The following EFCAB6 variants were observed in gnomAD, a reference collection of about 807,000 sequenced individuals.
EFCAB6 encodes EF-hand calcium binding domain 6.
Under a neutral mutation model 169.8 loss-of-function variants are expected in EFCAB6, and 156 were observed. The observed-to-expected ratio is 0.92, with a 90% CI of 0.81 to 1.05. The LOEUF (loss-of-function observed/expected upper bound fraction) is 1.05. Among genes scored for constraint, EFCAB6 ranks in the 50% least tolerant of loss-of-function variants. The pLI is 0.00. For synonymous variants in EFCAB6, 698 were observed against 676.4 expected (o/e 1.03, Z -0.50); for missense variants, 1,800 against 1,829.1 (o/e 0.98, Z 0.29).
intron 10 of EFCAB6, among the ~76,000 whole-genome samples, chr22:43,705,654 A>G (rs1440885657): frequency 6.6e-6 from 1 of 151,988 alleles, no homozygotes; most frequent in Non-Finnish European, 1.5e-5. Context: ...AACAAACAAT[A>G]AAGAAATTAA....
At chr22:43,712,482 A>T (rs2059195386) in intron 9 of EFCAB6, among the ~76,000 whole-genome samples, 1 of 152,266 alleles carries the variant, frequency 6.6e-6, no homozygotes, top group Non-Finnish European at 1.5e-5. Context: ...CAGAATCACT[A>T]AATTTTCCTT....
At chr22:43,566,908 C>A (rs2049473852) in intron 26 of EFCAB6, among the ~76,000 whole-genome samples, 2 of 152,146 alleles carry the variant, frequency 1.3e-5, no homozygotes. Context: ...CATGGGCCTC[C>A]CCCACTGCCC....
At position 43,714,395 on chromosome 22, in the gene EFCAB6, T is replaced by C. The variant is rs6006441; in HGVS notation, c.882+2453A>G. On this transcript the variant is annotated intron_variant, in intron 9 of 31. Coordinates refer to ENST00000262726, the MANE Select transcript of EFCAB6 (RefSeq NM_022785.4). ...TTTTAGTACTATGACACAGTATCCA[T>C]TGCTTGCCACCACATTGATTTTCCT... Among the ~76,000 whole-genome samples the C allele has an allele frequency of 7.7e-3, 1,178 of 152,256 alleles. 18 individuals are homozygous for C. Among genetic ancestry groups the C allele is most frequent in the African/African-American group, 0.027 (1,122 of 41,544 alleles).
chr22:43,682,478 ACTT>A (rs1036453315), intron 12 of EFCAB6, among the ~76,000 whole-genome samples: 1 of 152,162 alleles, frequency 6.6e-6, no homozygotes, highest in African/African-American at 2.4e-5. Flanking sequence ...TAATTAAATT[ACTT>A]CTTCAGCATA....
chr22:43,779,990 GA>G (rs1187763100), intron 3 of EFCAB6, among the ~76,000 whole-genome samples: 2 of 151,946 alleles, frequency 1.3e-5, no homozygotes, highest in East Asian at 1.9e-4. Context: ...GTAAACTTGA[GA>G]AAAAAAGTTA....
At chr22:43,612,129 GCCCCTTCCTTATAACAAATA>G (rs2053355546) in intron 21 of EFCAB6, among the ~76,000 whole-genome samples, 2 of 152,196 alleles carry the variant, frequency 1.3e-5, no homozygotes, top group South Asian at 2.1e-4. Flanking sequence ...TTGAAACTGG[GCCCCTTCCTTATAACAAATA>G]CCCCTTCCTT....
intron 25 of EFCAB6, among the ~76,000 whole-genome samples, chr22:43,579,285 C>T (rs1011258339): frequency 1.9e-4 from 27 of 138,588 alleles, no homozygotes; most frequent in African/African-American, 4.1e-4. Context: ...ATTCCCTATA[C>T]GCAGGCATTA....
chr22:43,620,711 A>G (rs772867047), intron 20 of EFCAB6, among the ~76,000 whole-genome samples: 12 of 152,320 alleles, frequency 7.9e-5, no homozygotes, highest in Non-Finnish European at 1.8e-4. Context: ...TTTTTTTCTC[A>G]GAGTTTCAAA....
chr22:43,651,676 G>T (rs776052973), intron 17 of EFCAB6, among the ~76,000 whole-genome samples: 60 of 152,262 alleles, frequency 3.9e-4, no homozygotes, highest in Non-Finnish European at 8.1e-4. Context: ...GTCAGCCCAT[G>T]AAAGCAGCCG....
intron 26 of EFCAB6, among the ~76,000 whole-genome samples, chr22:43,563,670 C>CT (rs2049227108): frequency 6.6e-6 from 1 of 152,254 alleles, no homozygotes; most frequent in Non-Finnish European, 1.5e-5. Context: ...CGCGCTGCTG[C>CT]TGCTGCTGGT....
intron 10 of EFCAB6, among the ~76,000 whole-genome samples, chr22:43,693,091 G>C (rs892787120): frequency 6.6e-6 from 1 of 152,088 alleles, no homozygotes; most frequent in African/African-American, 2.4e-5. Context: ...ATGTCATAAA[G>C]TGCCAAAAGA....
intron 8 of EFCAB6, among the ~76,000 whole-genome samples, chr22:43,723,514 G>A (rs979228583): frequency 1.3e-5 from 2 of 152,174 alleles, no homozygotes; most frequent in Non-Finnish European, 2.9e-5. Flanking sequence ...TCAACCTTGA[G>A]TACCTAATAT....
At chr22:43,619,327 TAAAATAATGACC>T (rs2053965953) in intron 20 of EFCAB6, among the ~76,000 whole-genome samples, 1 of 152,184 alleles carries the variant, frequency 6.6e-6, no homozygotes, top group Admixed American at 6.5e-5. Context: ...GATTGCCTGC[TAAAATAATGACC>T]AAAAACAATC....
chr22:43,732,387 T>C (rs2059986028), intron 7 of EFCAB6, among the ~76,000 whole-genome samples: 1 of 152,162 alleles, frequency 6.6e-6, no homozygotes, highest in Admixed American at 6.5e-5. Context: ...TCTTGAAGCA[T>C]TTCGTGATTT....
At chr22:43,549,257 T>A (rs1414947390) in intron 27 of EFCAB6, among the ~76,000 whole-genome samples, 2 of 152,050 alleles carry the variant, frequency 1.3e-5, no homozygotes, top group African/African-American at 4.8e-5. Flanking sequence ...AAAATTAATA[T>A]CAACTAAACG....
chr22:43,761,565 A>G (rs2061162649), intron 5 of EFCAB6, among the ~76,000 whole-genome samples: 1 of 152,206 alleles, frequency 6.6e-6, no homozygotes, highest in African/African-American at 2.4e-5. Flanking sequence ...CCTGTTTTGC[A>G]TTCATATTTT....
chr22:43,632,107 G>C lies in EFCAB6; in HGVS notation c.2230C>G (p.Arg744Gly). The change falls in exon 19 of 32, where the codon CGG (arginine) becomes GGG (glycine). Residue 744 changes from arginine (R) to glycine (G), a missense_variant and splice_region_variant. Physicochemically the swap from Arg to Gly is moderately radical, Grantham distance 125 (BLOSUM62 -2). Transcript: ENST00000262726. ...AGCGCCAGACAGTCACGGTTTACCC[G>C]GAATGACTCCTTCAGCCTCCTAGGG... is the stretch of plus-strand genomic sequence containing the variant. ...LFPRRLKESFRDPYSAFFKTD... is the reference protein window; with the variant it reads ...LFPRRLKESFGDPYSAFFKTD... 1 of 1,613,806 alleles carries C rather than the reference G, an allele frequency of 6.2e-7. No homozygotes were observed.
chr22:43,589,320 A>AAG (rs1555947120), intron 24 of EFCAB6, among the ~76,000 whole-genome samples: 3 of 59,838 alleles, frequency 5.0e-5, no homozygotes, highest in Non-Finnish European at 7.2e-5. Context: ...AAAAAAAAAA[A>AAG]AGAAGTACAG....
chr22:43,720,729 A>AG (rs2059494240), intron 8 of EFCAB6, among the ~76,000 whole-genome samples: 1 of 151,956 alleles, frequency 6.6e-6, no homozygotes, highest in African/African-American at 2.4e-5. Flanking sequence ...AAGAGAAGAG[A>AG]GGGGGAAAAA....
Sources: gnomAD v4.1 joint callset for allele counts (sites outside exome capture counted in the v4.1 genomes callset) on GRCh38, gnomAD v4.1.1 for gene constraint, MANE v1.5 for transcripts, NCBI Gene and HGNC (gene_info 2026-07-23, HGNC 2026-07-21) for gene names.